CNTN5: variants seen among roughly 807,000 people sequenced by gnomAD.
CNTN5 encodes the protein contactin-5.
CNTN5 carries 77 observed loss-of-function variants against 129.1 expected under a neutral mutation model. The ratio of observed to expected loss-of-function variants is 0.60; its 90% confidence interval spans 0.50 to 0.72. The LOEUF (loss-of-function observed/expected upper bound fraction) is 0.72. Among genes scored for constraint, CNTN5 ranks in the 30% least tolerant of loss-of-function variants. CNTN5 has a pLI of 0.00. For synonymous variants in CNTN5, 509 were observed against 465.6 expected (o/e 1.09, Z -1.20); for missense variants, 1,478 against 1,328.8 (o/e 1.11, Z -1.75).
intron 3 of CNTN5, among the ~76,000 whole-genome samples, chr11:99,807,209 A>T (rs1291557670): frequency 6.6e-6 from 1 of 152,206 alleles, no homozygotes; most frequent in Non-Finnish European, 1.5e-5. Flanking sequence ...AAAATAACAT[A>T]AAGAAAATAT....
At chr11:100,001,222 G>A (rs1939854019) in intron 8 of CNTN5, among the ~76,000 whole-genome samples, 1 of 152,276 alleles carries the variant, frequency 6.6e-6, no homozygotes, top group East Asian at 1.9e-4. Context: ...AGAAGGAGAA[G>A]CAAGGCATGT....
At chr11:100,102,389 C>A (rs1468640909) in intron 13 of CNTN5, among the ~76,000 whole-genome samples, 1 of 151,914 alleles carries the variant, frequency 6.6e-6, no homozygotes, top group Non-Finnish European at 1.5e-5. Flanking sequence ...TATTCATGTT[C>A]TTCACCCACT....
At chr11:99,565,876 A>G (rs1370764093) in intron 3 of CNTN5, among the ~76,000 whole-genome samples, 1 of 152,162 alleles carries the variant, frequency 6.6e-6, no homozygotes, top group Non-Finnish European at 1.5e-5. Context: ...TTCCCTTCAT[A>G]CCTATAGGTG....
At chr11:99,573,345 C>G (rs1390568475) in intron 3 of CNTN5, among the ~76,000 whole-genome samples, 2 of 151,836 alleles carry the variant, frequency 1.3e-5, no homozygotes, top group Non-Finnish European at 2.9e-5. Flanking sequence ...CCTAGGCGGG[C>G]GGATCACGAG....
chr11:99,337,564 G>A (rs888110803), intron 2 of CNTN5, among the ~76,000 whole-genome samples: 9 of 152,126 alleles, frequency 5.9e-5, no homozygotes, highest in African/African-American at 2.2e-4. Flanking sequence ...GTGGTTTTCT[G>A]CCCTGGACGG....
chr11:99,608,802 G>A (rs1950510727), intron 3 of CNTN5, among the ~76,000 whole-genome samples: 1 of 152,072 alleles, frequency 6.6e-6, no homozygotes, highest in African/African-American at 2.4e-5. Context: ...GTTCACATAT[G>A]TATGTAGATT....
chr11:99,403,617 A>G (rs2406925), intron 2 of CNTN5, among the ~76,000 whole-genome samples: 113,368 of 152,090 alleles, frequency 0.75, 43,115 homozygotes, highest in African/African-American at 0.9. Flanking sequence ...TGGACCCACT[A>G]GTCGTTCAGG....
At chr11:100,218,161 A>G (rs1004744832) in intron 15 of CNTN5, among the ~76,000 whole-genome samples, 3 of 152,230 alleles carry the variant, frequency 2.0e-5, no homozygotes, top group Non-Finnish European at 4.4e-5. Context: ...TATTTGGAGA[A>G]AATAACACAT....
intron 17 of CNTN5, among the ~76,000 whole-genome samples, chr11:100,262,310 G>A (rs958336126): frequency 1.3e-5 from 2 of 152,176 alleles, no homozygotes; most frequent in Non-Finnish European, 2.9e-5. Flanking sequence ...GAGAGGATGT[G>A]GAGAAATAGG....
intron 3 of CNTN5, among the ~76,000 whole-genome samples, chr11:99,743,346 A>T (rs889300077): frequency 6.6e-6 from 1 of 152,162 alleles, no homozygotes; most frequent in Non-Finnish European, 1.5e-5. Context: ...TAATGTTCAG[A>T]TATTAGGAAG....
intron 2 of CNTN5, among the ~76,000 whole-genome samples, chr11:99,464,940 A>G (rs1034017297): frequency 2.0e-5 from 3 of 152,214 alleles, no homozygotes; most frequent in African/African-American, 4.8e-5. Flanking sequence ...TAGCATTTAC[A>G]GAGCATTTTG....
intron 9 of CNTN5, among the ~76,000 whole-genome samples, chr11:100,051,916 ATATC>A (rs142164120): frequency 0.021 from 3,265 of 151,942 alleles, 105 homozygotes; most frequent in African/African-American, 0.07. Context: ...GAATTTTTCC[ATATC>A]TATCAGTGAA....
chr11:99,581,569 C>A (rs1201285288), intron 3 of CNTN5, among the ~76,000 whole-genome samples: 7 of 151,882 alleles, frequency 4.6e-5, no homozygotes, highest in African/African-American at 1.7e-4. Context: ...TTGAATTGAT[C>A]CCTTTACCGT....
At chr11:99,627,045 T>G (rs1211040933) in intron 3 of CNTN5, among the ~76,000 whole-genome samples, 1 of 152,082 alleles carries the variant, frequency 6.6e-6, no homozygotes, top group African/African-American at 2.4e-5. Flanking sequence ...CAAGAAACAT[T>G]CAAGGCTTGG....
intron 2 of CNTN5, among the ~76,000 whole-genome samples, chr11:99,498,632 T>C (rs184327564): frequency 7.9e-5 from 12 of 152,278 alleles, no homozygotes; most frequent in African/African-American, 2.9e-4. Flanking sequence ...CTGCCAATGA[T>C]ATACAAATAG....
At chr11:100,073,071 C>T (rs1309391350) in intron 12 of CNTN5, among the ~76,000 whole-genome samples, 1 of 137,108 alleles carries the variant, frequency 7.3e-6, no homozygotes, top group Non-Finnish European at 1.5e-5. Context: ...TTCTTTGAGA[C>T]AAAATCTCAC....
chr11:99,332,789 C>T (rs1045966197), intron 2 of CNTN5, among the ~76,000 whole-genome samples: 1 of 151,974 alleles, frequency 6.6e-6, no homozygotes, highest in Admixed American at 6.6e-5. Context: ...ACTAATTAGT[C>T]TATTAGTATC....
At chr11:100,098,832 C>T (rs1397169378) in intron 13 of CNTN5, among the ~76,000 whole-genome samples, 3 of 152,044 alleles carry the variant, frequency 2.0e-5, no homozygotes, top group Non-Finnish European at 2.9e-5. Context: ...TACAGCACAA[C>T]AGTTGTCCAC....
chr11:100,162,649 T>TA (rs1351208046), intron 13 of CNTN5, among the ~76,000 whole-genome samples: 1 of 151,766 alleles, frequency 6.6e-6, no homozygotes, highest in African/African-American at 2.4e-5. Context: ...CACTACCCCA[T>TA]AAAAAGGATA....
Sources: gnomAD v4.1 joint callset for allele counts (sites outside exome capture counted in the v4.1 genomes callset) on GRCh38, gnomAD v4.1.1 for gene constraint, MANE v1.5 for transcripts, NCBI Gene and HGNC (gene_info 2026-07-23, HGNC 2026-07-21) for gene names.